SPRED2: variants seen among roughly 807,000 people sequenced by gnomAD.
SPRED2 encodes the protein sprouty-related, EVH1 domain-containing protein 2.
In SPRED2, 47 loss-of-function variants were observed where a neutral mutation model predicts 43.0. That is an observed-to-expected ratio of 1.09 (90% CI 0.87 to 1.40). The LOEUF (loss-of-function observed/expected upper bound fraction) is 1.40, where lower values mean the gene tolerates loss of function less well. Ranked by LOEUF, SPRED2 falls within the 40% of genes most tolerant of loss-of-function variation. The pLI, the probability that SPRED2 is intolerant of heterozygous loss-of-function variation, is 0.00. For missense variants in SPRED2, 561 were observed against 586.4 expected (o/e 0.96, Z 0.45); for synonymous variants, 225 against 225.7 (o/e 1.00, Z 0.03).
At chr2:65,408,055 C>G (rs1316851790) in intron 1 of SPRED2, among the ~76,000 whole-genome samples, 1 of 152,186 alleles carries the variant, frequency 6.6e-6, no homozygotes, top group Non-Finnish European at 1.5e-5. Context: ...GATTTCAGCT[C>G]CTCATAAAAC....
intron 2 of SPRED2, among the ~76,000 whole-genome samples, chr2:65,339,729 A>G (rs1674124616): frequency 7.1e-6 from 1 of 140,624 alleles, no homozygotes; most frequent in Admixed American, 6.7e-5. Context: ...TTAAAAAAAA[A>G]TCCTAAAAAA....
Position 65,335,961 on chromosome 2 carries a change from T to C in SPRED2, c.205-1188A>G, listed in dbSNP as rs1002284358. On this transcript the variant is annotated intron_variant, in intron 2 of 5. Coordinates refer to ENST00000356388, the MANE Select transcript of SPRED2 (RefSeq NM_181784.3). Reference sequence around the variant, plus strand: ...TTACCGCAATGTGATCTTATTAATTTAGACTAAATGAAGGACAAGAGTAAA... The same window carrying C: ...TTACCGCAATGTGATCTTATTAATTCAGACTAAATGAAGGACAAGAGTAAA... Among the ~76,000 whole-genome samples, 10 of 152,242 alleles carry C rather than the reference T, an allele frequency of 6.6e-5. No individual in the cohort carries two copies. The East Asian group carries it at 1.9e-3, about 29-fold the overall frequency.
At chr2:65,338,278 C>CG (rs1238685327) in intron 2 of SPRED2, among the ~76,000 whole-genome samples, 2 of 123,888 alleles carry the variant, frequency 1.6e-5, no homozygotes, top group African/African-American at 6.0e-5. Context: ...CTCCCTCTCC[C>CG]TCTCCCGTCT....
intron 2 of SPRED2, among the ~76,000 whole-genome samples, chr2:65,337,880 C>G (rs1674012418): frequency 6.6e-6 from 1 of 152,078 alleles, no homozygotes; most frequent in Non-Finnish European, 1.5e-5. Context: ...TACTTAAAGA[C>G]TTTTCTAATG....
chr2:65,406,727 G>A (rs1038642680), intron 1 of SPRED2, among the ~76,000 whole-genome samples: 9 of 152,134 alleles, frequency 5.9e-5, no homozygotes, highest in African/African-American at 1.4e-4. Context: ...TAGTAACATC[G>A]TTTTCCTTTC....
chr2:65,412,943 C>G (rs1282025975), intron 1 of SPRED2, among the ~76,000 whole-genome samples: 1 of 152,200 alleles, frequency 6.6e-6, no homozygotes, highest in Non-Finnish European at 1.5e-5. Context: ...AGCAACTGAC[C>G]TATTATGGTT....
chr2:65,331,130 G>A (rs981577209), intron 4 of SPRED2, among the ~76,000 whole-genome samples: 5 of 152,148 alleles, frequency 3.3e-5, no homozygotes, highest in African/African-American at 4.8e-5. Flanking sequence ...TGTCCAGGCT[G>A]GGCGTGGTGG....
At chr2:65,367,666 C>T (rs1675013734) in intron 1 of SPRED2, among the ~76,000 whole-genome samples, 1 of 152,110 alleles carries the variant, frequency 6.6e-6, no homozygotes. Flanking sequence ...GAACAAACGC[C>T]TAGTGCCTTC....
downstream of SPRED2, among the ~76,000 whole-genome samples, chr2:65,310,536 AAAC>A (rs1390008103): frequency 6.6e-6 from 1 of 151,864 alleles, no homozygotes; most frequent in Non-Finnish European, 1.5e-5. Flanking sequence ...GATCAGTGGA[AAAC>A]AACTTAGAGG....
downstream of SPRED2, among the ~76,000 whole-genome samples, chr2:65,310,207 G>T (rs1293803125): frequency 2.0e-5 from 3 of 151,946 alleles, no homozygotes; most frequent in African/African-American, 7.3e-5. Context: ...AAACTGAAAC[G>T]TTAACACTAA....
Position 65,312,263 on chromosome 2 carries a change from T to C in SPRED2, c.*1238A>G. The C allele has an allele frequency of 1.0e-6, 1 of 985,578 alleles. No homozygotes were observed. The highest frequency in any genetic ancestry group is 1.2e-6 in the Non-Finnish European group (1 of 829,920). 61.1% of individuals were successfully genotyped at this position (985,578 alleles called of 1,614,324 possible). A position where few individuals can be genotyped will look rare whatever the true frequency, so the allele number is the denominator to read the frequency against. ...GTTTGGAGTTGCAGGAGAAAGACAC[T>C]TAGGCATTGGAAGGGTTTTTACATA... On this transcript the variant is annotated 3_prime_UTR_variant, in exon 6 of 6. Transcript: ENST00000356388.
At chr2:65,402,662 G>C (rs140868522) in intron 1 of SPRED2, among the ~76,000 whole-genome samples, 1 of 152,270 alleles carries the variant, frequency 6.6e-6, no homozygotes, top group Admixed American at 6.5e-5. Flanking sequence ...GAAGGCATAG[G>C]AATTCCTATC....
chr2:65,316,687 C>T (rs1282459855), intron 5 of SPRED2, 47 bp downstream of exon 5: 1 of 1,569,410 alleles, frequency 6.4e-7, no homozygotes, highest in Admixed American at 1.9e-5. Flanking sequence ...ATTCCAGAAT[C>T]AGAGGCACCA....
intron 1 of SPRED2, among the ~76,000 whole-genome samples, chr2:65,428,574 C>G (rs1416152654): frequency 6.6e-6 from 1 of 152,098 alleles, no homozygotes; most frequent in East Asian, 1.9e-4. Flanking sequence ...TACAACAGTC[C>G]CAATGTCTGC....
At chr2:65,314,524 AAGAGGC>A (rs1261577488) in intron 5 of SPRED2, among the ~76,000 whole-genome samples, 4 of 152,172 alleles carry the variant, frequency 2.6e-5, no homozygotes, top group Non-Finnish European at 5.9e-5. Context: ...CACTCAGATC[AAGAGGC>A]AGAACAGGAC....
intron 4 of SPRED2, among the ~76,000 whole-genome samples, chr2:65,331,765 C>G (rs1282842797): frequency 5.3e-5 from 8 of 152,228 alleles, no homozygotes; most frequent in Non-Finnish European, 1.2e-4. Context: ...AGAGCTGACA[C>G]TGCTGTGCTG....
chr2:65,340,584 C>G (rs1393157294), intron 2 of SPRED2, among the ~76,000 whole-genome samples: 1 of 152,202 alleles, frequency 6.6e-6, no homozygotes, highest in Non-Finnish European at 1.5e-5. Context: ...AGATTCAACT[C>G]AGAAAATTTT....
At chr2:65,428,770 G>T (rs1404606279) in intron 1 of SPRED2, among the ~76,000 whole-genome samples, 1 of 152,194 alleles carries the variant, frequency 6.6e-6, no homozygotes, top group East Asian at 1.9e-4. Flanking sequence ...TGTCTCCAGG[G>T]TTAGAGCTTG....
In SPRED2 at chr2:65,432,124, G is replaced by C. The variant is rs1043579852; in HGVS notation, c.-137C>G. ...GGGGGCGGCTAGAGATGAAGAGGGC[G>C]CCGCAGCAGAAGGGGAAGCAGGGCG... On this transcript the variant is annotated 5_prime_UTR_variant, in exon 1 of 6. Coordinates refer to ENST00000356388, the MANE Select transcript of SPRED2 (RefSeq NM_181784.3). 1 of 1,124,376 alleles carries C rather than the reference G, an allele frequency of 8.9e-7. No individual in the cohort carries two copies. The highest frequency in any genetic ancestry group is 1.3e-6 in the Non-Finnish European group (1 of 767,438). The allele number at this position is 1,124,376 out of a possible 1,614,324, so 69.6% of individuals were successfully genotyped here. A position where few individuals can be genotyped will look rare whatever the true frequency, so the allele number is the denominator to read the frequency against.
Sources: allele counts gnomAD v4.1 joint callset (sites outside exome capture counted in the v4.1 genomes callset), GRCh38; gene constraint gnomAD v4.1.1; transcripts MANE v1.5; gene names NCBI Gene and HGNC (gene_info 2026-07-23, HGNC 2026-07-21).